MELTF: variants seen among roughly 807,000 people sequenced by gnomAD.
MELTF encodes the protein antigen p97 (melanoma associated) identified by monoclonal antibodies 133.2 and 96.5.
Under a neutral mutation model 83.7 loss-of-function variants are expected in MELTF, and 67 were observed. The ratio of observed to expected loss-of-function variants is 0.80; its 90% CI spans 0.66 to 0.98. The LOEUF is 0.98. Ranked by LOEUF, MELTF falls within the 50% of genes least tolerant of loss-of-function variation. The pLI, the probability that MELTF is intolerant of heterozygous loss-of-function variation, is 0.00. For synonymous variants in MELTF, 462 were observed against 447.6 expected (o/e 1.03, Z -0.41); for missense variants, 1,002 against 1,035.6 (o/e 0.97, Z 0.44).
rs1719857901 is a variant in MELTF, at chr3:197,026,445, T to C, written c.304+215A>G. On this transcript the variant is annotated intron_variant, in intron 3 of 15. Transcript: ENST00000296350. ...CAGGCTAGGGGGCTGCTGGGCTCCC[T>C]GCGGGCAAGAGCAGACTTGGGGCAG... 1.1e-5 allele frequency: 6 copies of C among 570,800 alleles called. No individual in the cohort carries two copies. In the South Asian group the frequency reaches 1.2e-4, roughly 12 times the overall value. 35.4% of individuals were successfully genotyped at this position (570,800 alleles called of 1,614,324 possible).
rs547234651 is a variant in MELTF, at chr3:197,009,024, T to C, written c.1526-59A>G. The C allele has an allele frequency of 3.1e-4, 491 of 1,592,118 alleles. 1 individual carries two copies. Among genetic ancestry groups the C allele is most frequent in the Non-Finnish European group, 3.9e-4 (452 of 1,166,516 alleles). ...AGCAGTGGAAAGTGTGGGAGGGAGC[T>C]GGGCGGGCCGCTCCCCCACAGGTCT... On this transcript the variant is annotated intron_variant, in intron 11 of 15. Transcript: ENST00000296350.
chr3:197,003,437 C>G lies in MELTF; in HGVS notation c.2152G>C (p.Gly718Arg). The G allele has an allele frequency of 9.5e-7, 1 of 1,047,780 alleles. No individual in the cohort carries two copies. Among genetic ancestry groups the G allele is most frequent in the Non-Finnish European group, 1.1e-6 (1 of 877,044 alleles). 64.9% of individuals were successfully genotyped at this position (1,047,780 alleles called of 1,614,324 possible). Reference sequence around the variant, plus strand: ...AGCAGCAGCGGGAGCAGGGGCGCCCCGGGCGCCGGGGCCGCTGGGGACGAA... The same window carrying G: ...AGCAGCAGCGGGAGCAGGGGCGCCCGGGGCGCCGGGGCCGCTGGGGACGAA... ...QCSGAAAPAP[G>R]APLLPLLLPA... The change falls in exon 16 of 16, where the codon GGG becomes CGG. Residue 718 changes from glycine (G) to arginine (R), a missense_variant. Transcript: ENST00000296350. This position sits in a 1 kb window ranked among gnomAD's most constrained non-coding sequence, Gnocchi z 6.2.
In MELTF at chr3:197,005,051, G is replaced by A. The variant is rs139059418; in HGVS notation, c.1939-952C>T. Reference sequence around the variant, plus strand: ...GTCAAAGTTTAGGAACAGGCCTGGCGAGCCAGCCAGCTCTGCAGTTCTGTG... The same window carrying A: ...GTCAAAGTTTAGGAACAGGCCTGGCAAGCCAGCCAGCTCTGCAGTTCTGTG... On this transcript the variant is annotated intron_variant, in intron 14 of 15. Transcript: ENST00000296350. 2.6e-5 allele frequency among the ~76,000 whole-genome samples: 4 copies of A among 152,340 alleles called. No individual in the cohort carries two copies. The East Asian group carries it at 7.7e-4, about 29-fold the overall frequency.
chr3:197,022,364 T>C lies in MELTF; in HGVS notation c.644+593A>G, dbSNP rs562506681. Among the ~76,000 whole-genome samples the C allele has an allele frequency of 5.9e-4, 90 of 152,196 alleles. No homozygotes were observed. The highest frequency in any genetic ancestry group is 2.0e-3 in the African/African-American group (84 of 41,534). On this transcript the variant is annotated intron_variant, in intron 5 of 15. Coordinates refer to ENST00000296350, the MANE Select transcript of MELTF (RefSeq NM_005929.6). The surrounding 1 kb of genome is among the most constrained non-coding windows in gnomAD (Gnocchi z 5.1). ...CTCAGGGGTGCTGAGGACTGTTTCT[T>C]CTCTCTAAGCCGAAAACCGCATCCA... is the stretch of plus-strand genomic sequence containing the variant.
intron 1 of MELTF, 38 bp from the exon 2 acceptor site, chr3:197,027,948 C>A (rs2276788): frequency 1.2e-5 from 18 of 1,530,318 alleles, no homozygotes; most frequent in South Asian, 1.1e-4. Context: ...CTCCCCCGCC[C>A]TGCCCAGCCC....
rs1048853932 is a variant in MELTF, at chr3:197,006,487, C to T, written c.1938+62G>A. 8.7e-6 allele frequency: 13 copies of T among 1,496,114 alleles called. No individual in the cohort carries two copies. In the African/African-American group the frequency reaches 1.5e-4, roughly 18 times the overall value. The allele number at this position is 1,496,114 out of a possible 1,614,324, so 92.7% of individuals were successfully genotyped here. On this transcript the variant is annotated intron_variant, in intron 14 of 15. Transcript: ENST00000296350. The surrounding 1 kb of genome is among the most constrained non-coding windows in gnomAD (Gnocchi z 5.4). ...GTCTGCTCCAGGTAGACTGAGGCCTCCCAGGGGCTCAGCTTACCTCTGCTG... is the reference window on the plus strand; with the variant it reads ...GTCTGCTCCAGGTAGACTGAGGCCTTCCAGGGGCTCAGCTTACCTCTGCTG...
chr3:197,016,399 G>A, intron 7 of MELTF, 30 bp from the exon 8 acceptor site: 1 of 1,480,150 alleles, frequency 6.8e-7, no homozygotes, highest in Non-Finnish European at 9.0e-7. Context: ...GTACAGGGTG[G>A]TGAGGGTGCT....
chr3:197,016,501 T>C, intron 7 of MELTF, 132 bp from the exon 8 acceptor site: 1 of 748,244 alleles, frequency 1.3e-6, no homozygotes, highest in Non-Finnish European at 2.1e-6. Flanking sequence ...AGGTGAGGCC[T>C]CCCTCTTCTG....
At position 197,007,755 on chromosome 3, in the gene MELTF, T is replaced by C. The variant is rs147722188; in HGVS notation, c.1750+902A>G. Among the ~76,000 whole-genome samples, 612 of 152,318 alleles carry C rather than the reference T, an allele frequency of 4.0e-3. 9 individuals are homozygous for C. The highest frequency in any genetic ancestry group is 0.039 in the East Asian group (201 of 5,178). On this transcript the variant is annotated intron_variant, in intron 13 of 15. Coordinates refer to ENST00000296350, the MANE Select transcript of MELTF (RefSeq NM_005929.6). The surrounding 1 kb of genome is among the most constrained non-coding windows in gnomAD (Gnocchi z 4.3). ...GGTCCTACCGCCTTGGTGACCCCCA[T>C]AGGAGGCAAGATCCAAGTTTTGAAA...
intron 6 of MELTF, among the ~76,000 whole-genome samples, chr3:197,018,005 C>A (rs1243542837): frequency 6.6e-6 from 1 of 152,176 alleles, no homozygotes; most frequent in Non-Finnish European, 1.5e-5. Context: ...GGAGCAGGGG[C>A]CACGGTGGAA....
intron 9 of MELTF, among the ~76,000 whole-genome samples, chr3:197,012,994 T>C (rs1719240681): frequency 6.6e-6 from 1 of 152,248 alleles, no homozygotes; most frequent in African/African-American, 2.4e-5. Context: ...CAATGCAAAA[T>C]GTATTCTGAG....
At chr3:197,016,614 G>A (rs2148585146) in intron 7 of MELTF, among the ~76,000 whole-genome samples, 1 of 152,358 alleles carries the variant, frequency 6.6e-6, no homozygotes, top group African/African-American at 2.4e-5. Flanking sequence ...TTGGACACAT[G>A]GCTGTGGCCA....
intron 2 of MELTF, among the ~76,000 whole-genome samples, chr3:197,027,523 A>G (rs544640268): frequency 6.6e-6 from 1 of 152,368 alleles, no homozygotes; most frequent in South Asian, 2.1e-4. Flanking sequence ...GAAGCCTCTC[A>G]GGTGCCTTTC....
chr3:197,027,869 G>A lies in MELTF; in HGVS notation c.91C>T (p.Pro31Ser), dbSNP rs761829569. The change falls in exon 2 of 16, where the codon CCA (proline) becomes TCA (serine). Residue 31 changes from proline to serine, a missense_variant. Physicochemically the swap from Pro to Ser is moderately conservative, Grantham distance 74. Coordinates refer to ENST00000296350, the MANE Select transcript of MELTF (RefSeq NM_005929.6). ...MEVRWCATSD[P>S]EQHKCGNMSE... ...ATGTTGCCGCACTTGTGCTGCTCTG[G>A]GTCCGAGGTGGCGCACCACCGCACC... 6.2e-6 allele frequency: 10 copies of A among 1,607,746 alleles called. No individual in the cohort carries two copies. Among genetic ancestry groups the A allele is most frequent in the Non-Finnish European group, 7.6e-6 (9 of 1,177,980 alleles).
At chr3:197,020,226 A>G (rs1334223682) in intron 6 of MELTF, among the ~76,000 whole-genome samples, 2 of 152,258 alleles carry the variant, frequency 1.3e-5, no homozygotes, top group Non-Finnish European at 2.9e-5. Context: ...AAGGAAAGTA[A>G]AGAGATCTAA....
intron 14 of MELTF, chr3:197,004,608 A>ACTC (rs1354323620): frequency 1.7e-5 from 3 of 176,150 alleles, no homozygotes; most frequent in Admixed American, 5.7e-5. Context: ...GGGATGCTGC[A>ACTC]CTCCTCTCCA....
In MELTF at chr3:197,006,233, A is replaced by G. The variant is rs548200824; in HGVS notation, c.1938+316T>C. Among the ~76,000 whole-genome samples the G allele has an allele frequency of 2.0e-5, 3 of 151,770 alleles. No individual in the cohort carries two copies. The highest frequency in any genetic ancestry group is 2.9e-5 in the Non-Finnish European group (2 of 67,912). ...TAAGACTCCGTCTCAAAAAAAAAAG[A>G]AAAAAAGGGAGCAGGATTACAGCTG... On this transcript the variant is annotated intron_variant, in intron 14 of 15. Coordinates refer to ENST00000296350, the MANE Select transcript of MELTF (RefSeq NM_005929.6). The surrounding 1 kb of genome is among the most constrained non-coding windows in gnomAD (Gnocchi z 5.4).
intron 4 of MELTF, among the ~76,000 whole-genome samples, chr3:197,023,549 G>C (rs957278709): frequency 6.6e-6 from 1 of 152,192 alleles, no homozygotes; most frequent in Non-Finnish European, 1.5e-5. Flanking sequence ...CCAGCCTCAC[G>C]GGGGACGAGG....
rs1466269067 is a variant in MELTF, at chr3:197,024,943, C to T, written c.305-458G>A. 6.6e-6 allele frequency among the ~76,000 whole-genome samples: 1 copy of T among 152,136 alleles called. No homozygotes were observed. The highest frequency in any genetic ancestry group is 2.4e-5 in the African/African-American group (1 of 41,404). Reference sequence around the variant, plus strand: ...AGCAGGGGAGCCGAGGAGGGGCTTCCCCAGATGAGGAGCGGCGATTTCCTG... The same window carrying T: ...AGCAGGGGAGCCGAGGAGGGGCTTCTCCAGATGAGGAGCGGCGATTTCCTG... On this transcript the variant is annotated intron_variant, in intron 3 of 15. Transcript: ENST00000296350. The surrounding 1 kb of genome is among the most constrained non-coding windows in gnomAD (Gnocchi z 5.3).
Sources: allele counts gnomAD v4.1 joint callset (sites outside exome capture counted in the v4.1 genomes callset), GRCh38; gene constraint gnomAD v4.1.1; non-coding constraint Gnocchi (gnomAD v3.1); transcripts MANE v1.5; gene names NCBI Gene and HGNC (gene_info 2026-07-23, HGNC 2026-07-21).